The following SMG7 variants were observed in gnomAD, a reference collection of about 807,000 sequenced individuals.
The protein encoded by SMG7 is nonsense-mediated mRNA decay factor SMG7.
A neutral mutation model predicts 148.2 loss-of-function variants in SMG7; 34 were observed. The ratio of observed to expected loss-of-function variants is 0.23; its 90% CI spans 0.17 to 0.31. The LOEUF (loss-of-function observed/expected upper bound fraction) is 0.31, where lower values mean the gene tolerates loss of function less well. SMG7 is among the 10% of genes least tolerant of loss of function. The probability of loss-of-function intolerance (pLI) is 1.00; values close to 1 mark genes in which losing one functional copy is unlikely to be tolerated. For synonymous variants in SMG7, 492 were observed against 515.1 expected (o/e 0.96, Z 0.61); for missense variants, 1,114 against 1,408.4 (o/e 0.79, Z 3.35).
chr1:183,506,183 G>T (rs1426701742), intron 1 of SMG7, among the ~76,000 whole-genome samples: 1 of 152,144 alleles, frequency 6.6e-6, no homozygotes, highest in African/African-American at 2.4e-5. Flanking sequence ...TCTCAGACCA[G>T]TGTTGGTCCT....
chr1:183,500,744 AG>A (rs1471442102), intron 1 of SMG7, among the ~76,000 whole-genome samples: 8 of 152,160 alleles, frequency 5.3e-5, no homozygotes, highest in Non-Finnish European at 1.0e-4. Context: ...GGGAAGTGGG[AG>A]GGCATTCTAG....
chr1:183,538,485 T>A, intron 12 of SMG7, 45 bp downstream of exon 12: 1 of 1,282,842 alleles, frequency 7.8e-7, no homozygotes, highest in Non-Finnish European at 1.1e-6. Flanking sequence ...GTGATTGCAG[T>A]ATTAAAATTA....
rs538976972 is a variant in SMG7 at position 183,545,462 on chromosome 1, T to G, written c.2370+150T>G. ...AAACAAAAGTATTGTCTCTACTGTT[T>G]ATGAAAGTTCAAATGTTTTCCTTAC... On this transcript the variant is annotated intron_variant, in intron 16 of 22. Coordinates refer to ENST00000688051, the MANE Select transcript of SMG7 (RefSeq NM_001375584.1). 5 of 920,766 alleles carry G rather than the reference T, an allele frequency of 5.4e-6. No individual in the cohort carries two copies. In the East Asian group the frequency reaches 7.8e-5, roughly 14 times the overall value. The allele number at this position is 920,766 out of a possible 1,614,324, so 57.0% of individuals were successfully genotyped here.
chr1:183,503,903 C>T lies in SMG7; in HGVS notation c.30-8934C>T, dbSNP rs1660316525. ...TTTGTAGGAAAGCCCAAATTCAGAC[C>T]TGAGTCTTTTTGCTTCATATTATTT... On this transcript the variant is annotated intron_variant, in intron 1 of 22. Coordinates refer to ENST00000688051, the MANE Select transcript of SMG7 (RefSeq NM_001375584.1). 3.3e-5 allele frequency among the ~76,000 whole-genome samples: 5 copies of T among 152,326 alleles called. No homozygotes were observed. In the South Asian group the frequency reaches 1.0e-3, roughly 32 times the overall value.
At chr1:183,479,023 AT>A (rs1407760816) in intron 1 of SMG7, among the ~76,000 whole-genome samples, 1 of 152,158 alleles carries the variant, frequency 6.6e-6, no homozygotes, top group Non-Finnish European at 1.5e-5. Flanking sequence ...TAAGAGTGGA[AT>A]TTTGGCAGGT....
chr1:183,547,520 C>G (rs1445931288), intron 18 of SMG7, among the ~76,000 whole-genome samples: 2 of 152,170 alleles, frequency 1.3e-5, no homozygotes, highest in Admixed American at 1.3e-4. Context: ...GTCACACACA[C>G]GATGTGATGG....
chr1:183,537,288 A>C, intron 11 of SMG7, 73 bp downstream of exon 11: 1 of 1,131,998 alleles, frequency 8.8e-7, no homozygotes, highest in Non-Finnish European at 1.3e-6. Flanking sequence ...CCAGAGAAAA[A>C]GAGGTTTTTG....
At position 183,551,819 on chromosome 1, in the gene SMG7, C is replaced by A; in HGVS notation, c.3452C>A (p.Ser1151Tyr). The A allele has an allele frequency of 6.3e-7, 1 of 1,599,288 alleles. No homozygotes were observed. The highest frequency in any genetic ancestry group is 1.1e-5 in the South Asian group (1 of 89,166). The change falls in exon 23 of 23, where the codon TCT (serine) becomes TAT (tyrosine). Residue 1151 changes from serine to tyrosine, a missense_variant and splice_region_variant. Physicochemically the swap from Ser to Tyr is moderately radical, Grantham distance 144. Around this residue, in one of 4 missense-constraint regions of SMG7, gnomAD observed 788 missense variants for 894.5 expected, o/e 0.88. Coordinates refer to ENST00000688051, the MANE Select transcript of SMG7 (RefSeq NM_001375584.1). ...SSAVLMESLKSIWSSSMMHPG... is the reference protein window; with the variant it reads ...SSAVLMESLKYIWSSSMMHPG... ...GACAAGATCTGGACTGTTTTTCAGT[C>A]TATCTGGTCCAGTTCCATGATGCAT...
At chr1:183,505,701 A>G (rs921442391) in intron 1 of SMG7, among the ~76,000 whole-genome samples, 2 of 152,224 alleles carry the variant, frequency 1.3e-5, no homozygotes, top group Non-Finnish European at 2.9e-5. Flanking sequence ...TGTAGCTGTT[A>G]TGGGTGTAGC....
chr1:183,540,143 A>G (rs1050478993), intron 12 of SMG7, among the ~76,000 whole-genome samples: 3 of 152,150 alleles, frequency 2.0e-5, no homozygotes, highest in Admixed American at 1.3e-4. Context: ...TGTTGTGCCT[A>G]GAACATTTCC....
chr1:183,506,875 C>CTTTTTTTTTT (rs71130622), intron 1 of SMG7, among the ~76,000 whole-genome samples: 1 of 111,824 alleles, frequency 8.9e-6, no homozygotes, highest in Non-Finnish European at 1.8e-5. Flanking sequence ...ACTATATATT[C>CTTTTTTTTTT]TTTTTTTTTT....
chr1:183,523,794 T>G (rs1214728007), intron 4 of SMG7, among the ~76,000 whole-genome samples: 1 of 152,104 alleles, frequency 6.6e-6, no homozygotes, highest in East Asian at 1.9e-4. Flanking sequence ...ATTTTATTTA[T>G]TTTTTGTGAT....
At chr1:183,494,279 TTTTCC>T (rs1173318053) in intron 1 of SMG7, among the ~76,000 whole-genome samples, 2 of 151,738 alleles carry the variant, frequency 1.3e-5, no homozygotes, top group Admixed American at 6.6e-5. Context: ...AGTACTTTCA[TTTTCC>T]TTTCCTTTTG....
intron 18 of SMG7, chr1:183,548,922 A>G (rs1670457079): frequency 4.8e-6 from 2 of 414,392 alleles, no homozygotes; most frequent in South Asian, 7.3e-5. Context: ...CCTGAGGTCC[A>G]TGCCTCATAA....
chr1:183,493,660 C>T (rs1454481243), intron 1 of SMG7, among the ~76,000 whole-genome samples: 1 of 152,178 alleles, frequency 6.6e-6, no homozygotes, highest in Non-Finnish European at 1.5e-5. Context: ...CGGCTGATTG[C>T]AACCTCTGCC....
intron 1 of SMG7, among the ~76,000 whole-genome samples, chr1:183,482,677 A>G (rs954299621): frequency 6.6e-6 from 1 of 152,180 alleles, no homozygotes; most frequent in African/African-American, 2.4e-5. Context: ...TTTTATTATT[A>G]GCTATTGTTA....
intron 1 of SMG7, among the ~76,000 whole-genome samples, chr1:183,481,361 T>C (rs1011813844): frequency 2.0e-5 from 3 of 152,208 alleles, no homozygotes; most frequent in Non-Finnish European, 4.4e-5. Flanking sequence ...TGTACTCTGG[T>C]GATTTCTGCA....
chr1:183,485,394 C>T (rs1655202351), intron 1 of SMG7, among the ~76,000 whole-genome samples: 1 of 152,048 alleles, frequency 6.6e-6, no homozygotes, highest in Non-Finnish European at 1.5e-5. Context: ...GGGAAGTGGG[C>T]CGGGTAGTTT....
intron 16 of SMG7, among the ~76,000 whole-genome samples, chr1:183,545,553 T>C (rs1450911203): frequency 6.6e-6 from 1 of 152,208 alleles, no homozygotes; most frequent in South Asian, 2.1e-4. Flanking sequence ...GTCCATTTTA[T>C]TGAAAATGGA....
Sources: allele counts gnomAD v4.1 joint callset (sites outside exome capture counted in the v4.1 genomes callset), GRCh38; gene constraint gnomAD v4.1.1; regional missense constraint gnomAD v4.1.1; transcripts MANE v1.5; gene names NCBI Gene and HGNC (gene_info 2026-07-23, HGNC 2026-07-21).